GRM7: variants seen among roughly 807,000 people sequenced by gnomAD.
The protein encoded by GRM7 is glutamate metabotropic receptor 7.
In GRM7, 35 loss-of-function variants were observed where a neutral mutation model predicts 84.5. That is an observed-to-expected ratio of 0.41 (90% CI 0.32 to 0.55). The LOEUF (loss-of-function observed/expected upper bound fraction) is 0.55, where lower values mean the gene tolerates loss of function less well. GRM7 is among the 20% of genes least tolerant of loss of function. The pLI, the probability that GRM7 is intolerant of heterozygous loss-of-function variation, is 0.19. For missense variants in GRM7, 1,003 were observed against 1,194.6 expected, an observed-to-expected ratio of 0.84 and a Z score of 2.36; for synonymous variants, 487 against 455.1, an observed-to-expected ratio of 1.07 and a Z score of -0.89.
At chr3:6,889,481 T>G (rs1484317224) in intron 1 of GRM7, among the ~76,000 whole-genome samples, 1 of 151,698 alleles carries the variant, frequency 6.6e-6, no homozygotes, top group African/African-American at 2.4e-5. Flanking sequence ...CTGCATCTAT[T>G]GAGATAATCA....
chr3:7,046,274 A>T (rs1287497060), intron 1 of GRM7, among the ~76,000 whole-genome samples: 1 of 152,092 alleles, frequency 6.6e-6, no homozygotes, highest in African/African-American at 2.4e-5. Context: ...ATAGATTTCT[A>T]AACAGGGCTC....
At chr3:7,725,323 G>A (rs2106522372) in intron 9 of GRM7, among the ~76,000 whole-genome samples, 1 of 152,244 alleles carries the variant, frequency 6.6e-6, no homozygotes, top group South Asian at 2.1e-4. Flanking sequence ...TAGTTAGAGG[G>A]TATCACTGCC....
intron 7 of GRM7, among the ~76,000 whole-genome samples, chr3:7,537,884 A>G (rs1001799742): frequency 6.6e-6 from 1 of 152,232 alleles, no homozygotes; most frequent in Admixed American, 6.5e-5. Flanking sequence ...AATATGGTCT[A>G]CAGTCTGAGT....
At chr3:7,596,965 A>G (rs552942481) in intron 8 of GRM7, among the ~76,000 whole-genome samples, 1 of 152,262 alleles carries the variant, frequency 6.6e-6, no homozygotes, top group African/African-American at 2.4e-5. Context: ...TGAGGAGATC[A>G]TTATTACAGT....
At chr3:7,716,142 T>C (rs1701763330) in intron 9 of GRM7, among the ~76,000 whole-genome samples, 2 of 152,132 alleles carry the variant, frequency 1.3e-5, no homozygotes, top group South Asian at 4.1e-4. Flanking sequence ...AATAGAGAGC[T>C]TTCTAATCAT....
Position 7,000,979 on chromosome 3 carries a change from T to C in GRM7, c.519+139072T>C, listed in dbSNP as rs545948354. Among the ~76,000 whole-genome samples the C allele has an allele frequency of 2.0e-5, 3 of 152,330 alleles. No homozygotes were observed. In the South Asian group the frequency reaches 6.2e-4, roughly 32 times the overall value. ...AACGAAGATTGGAAAAAATATAGTA[T>C]GCTTGAATGATATTGCCAATTGGAG... is the stretch of plus-strand genomic sequence containing the variant. On this transcript the variant is annotated intron_variant, in intron 1 of 9. Coordinates refer to ENST00000357716, the MANE Select transcript of GRM7 (RefSeq NM_000844.4).
intron 1 of GRM7, among the ~76,000 whole-genome samples, chr3:6,868,459 C>T (rs983451374): frequency 6.6e-6 from 1 of 152,126 alleles, no homozygotes; most frequent in Non-Finnish European, 1.5e-5. Context: ...AGCACACAAA[C>T]CCTTACCTCC....
chr3:7,317,189 T>G (rs1172315782), intron 4 of GRM7, among the ~76,000 whole-genome samples: 1 of 152,118 alleles, frequency 6.6e-6, no homozygotes. Flanking sequence ...GGAAAAAGTC[T>G]GGTGAAGTGA....
intron 1 of GRM7, among the ~76,000 whole-genome samples, chr3:6,886,119 G>C (rs972054948): frequency 2.0e-5 from 3 of 152,152 alleles, no homozygotes; most frequent in African/African-American, 7.2e-5. Context: ...GGGTGTGTGT[G>C]TGTGTATGGT....
rs142734265 is a variant in GRM7 at position 7,162,099 on chromosome 3, G to A, written c.736+15431G>A. 4.7e-3 allele frequency among the ~76,000 whole-genome samples: 717 copies of A among 152,262 alleles called. 3 individuals carry two copies. The highest frequency in any genetic ancestry group is 7.3e-3 in the Non-Finnish European group (495 of 68,000). On this transcript the variant is annotated intron_variant, in intron 2 of 9. Transcript: ENST00000357716. ...AGATTTAAAGAATGGGGTAGGGATC[G>A]AGAGCCCTATTTTAGACTTGTGAGG...
chr3:7,540,803 A>T (rs1222314515), intron 7 of GRM7, among the ~76,000 whole-genome samples: 4 of 152,212 alleles, frequency 2.6e-5, no homozygotes, highest in Non-Finnish European at 5.9e-5. Context: ...AGCAAGTGAT[A>T]TCCATTGGCA....
intron 7 of GRM7, among the ~76,000 whole-genome samples, chr3:7,485,648 A>G (rs1432512761): frequency 6.6e-6 from 1 of 152,250 alleles, no homozygotes; most frequent in Non-Finnish European, 1.5e-5. Context: ...ATCAGAAGGT[A>G]CTTAAGGAAG....
intron 2 of GRM7, among the ~76,000 whole-genome samples, chr3:7,220,025 C>T (rs569753002): frequency 6.6e-6 from 1 of 152,246 alleles, no homozygotes; most frequent in Admixed American, 6.5e-5. Context: ...GACTATAATT[C>T]AAAGTATAAC....
intron 1 of GRM7, among the ~76,000 whole-genome samples, chr3:7,003,123 T>C (rs1418377477): frequency 3.3e-5 from 5 of 152,148 alleles, no homozygotes. Context: ...GAGATGTTGA[T>C]CAAAGAGTAC....
chr3:7,126,444 G>A (rs1693403272), intron 1 of GRM7, among the ~76,000 whole-genome samples: 2 of 152,142 alleles, frequency 1.3e-5, no homozygotes, highest in Non-Finnish European at 2.9e-5. Context: ...ATAAACCCTA[G>A]TCACATATGA....
At chr3:7,059,319 G>A (rs928668675) in intron 1 of GRM7, among the ~76,000 whole-genome samples, 2 of 151,658 alleles carry the variant, frequency 1.3e-5, no homozygotes, top group Admixed American at 1.3e-4. Context: ...CATCTAAAGA[G>A]CCACTTTTTA....
At chr3:7,468,206 G>A (rs1055792285) in intron 7 of GRM7, among the ~76,000 whole-genome samples, 3 of 152,112 alleles carry the variant, frequency 2.0e-5, no homozygotes, top group Non-Finnish European at 4.4e-5. Context: ...AGCAATCAAG[G>A]CAATGTTGAC....
intron 1 of GRM7, among the ~76,000 whole-genome samples, chr3:7,005,184 A>T (rs1695141003): frequency 6.6e-6 from 1 of 152,110 alleles, no homozygotes; most frequent in Non-Finnish European, 1.5e-5. Flanking sequence ...TCATTTTCAC[A>T]GCCATTAAGG....
chr3:7,055,739 C>A (rs77155651), intron 1 of GRM7, among the ~76,000 whole-genome samples: 1 of 151,702 alleles, frequency 6.6e-6, no homozygotes, highest in East Asian at 2.0e-4. Flanking sequence ...TACGCTGATC[C>A]GAAACTCCTG....
Sources: allele counts gnomAD v4.1 joint callset (sites outside exome capture counted in the v4.1 genomes callset), GRCh38; gene constraint gnomAD v4.1.1; transcripts MANE v1.5; gene names NCBI Gene and HGNC (gene_info 2026-07-23, HGNC 2026-07-21).